The following CACNA2D1 variants were observed in gnomAD, a reference collection of about 807,000 sequenced individuals.
CACNA2D1 encodes calcium voltage-gated channel auxiliary subunit alpha2delta 1.
Under a neutral mutation model 171.5 loss-of-function variants are expected in CACNA2D1, and 53 were observed. The observed-to-expected ratio is 0.31, with a 90% CI of 0.25 to 0.39. The LOEUF (loss-of-function observed/expected upper bound fraction) is 0.39. Among genes scored for constraint, CACNA2D1 ranks in the 10% least tolerant of loss-of-function variants. CACNA2D1 has a pLI of 1.00. For synonymous variants in CACNA2D1, 442 were observed against 443.1 expected, an observed-to-expected ratio of 1.00 and a Z score of 0.03; for missense variants, 903 against 1,299.8, an observed-to-expected ratio of 0.69 and a Z score of 4.69.
At chr7:82,328,180 G>C (rs1414538978) in intron 3 of CACNA2D1, among the ~76,000 whole-genome samples, 1 of 152,168 alleles carries the variant, frequency 6.6e-6, no homozygotes, top group Non-Finnish European at 1.5e-5. Context: ...AAAACAATTA[G>C]TGGATTACCT....
intron 1 of CACNA2D1, among the ~76,000 whole-genome samples, chr7:82,378,938 CGTGTGTGT>C (rs533854397): frequency 0.12 from 16,283 of 138,980 alleles, 1,002 homozygotes; most frequent in Middle Eastern, 0.14. Context: ...GGGGTTGACT[CGTGTGTGT>C]GTGTGTGTGT....
At chr7:82,111,072 A>G (rs912546297) in intron 6 of CACNA2D1, among the ~76,000 whole-genome samples, 1 of 151,974 alleles carries the variant, frequency 6.6e-6, no homozygotes, top group Non-Finnish European at 1.5e-5. Flanking sequence ...AATGTGTTAA[A>G]GGCAAAATAA....
At chr7:82,325,065 A>G (rs987312689) in intron 3 of CACNA2D1, among the ~76,000 whole-genome samples, 1 of 152,192 alleles carries the variant, frequency 6.6e-6, no homozygotes, top group African/African-American at 2.4e-5. Context: ...TGGCACCTGC[A>G]CTACATTTCA....
intron 3 of CACNA2D1, among the ~76,000 whole-genome samples, chr7:82,248,822 A>G (rs987461405): frequency 1.3e-5 from 2 of 152,114 alleles, no homozygotes; most frequent in South Asian, 4.1e-4. Context: ...AAAAAAAAAA[A>G]AATGCCCTCT....
In CACNA2D1 at chr7:82,219,986, T is replaced by C. The variant is rs573139312; in HGVS notation, c.295-49377A>G. On this transcript the variant is annotated intron_variant, in intron 3 of 38. Coordinates refer to ENST00000356860, the MANE Select transcript of CACNA2D1 (RefSeq NM_000722.4). ...CCCTTTTGCATGATACAAAGATTAT[T>C]GTAGATTCACTGTTTTTTTCCATTA... Among the ~76,000 whole-genome samples, 176 of 152,302 alleles carry C rather than the reference T, an allele frequency of 1.2e-3. 1 individual carries two copies. Among genetic ancestry groups the C allele is most frequent in the Non-Finnish European group, 1.3e-3 (89 of 68,002 alleles).
chr7:82,430,554 T>A (rs1829592283), intron 1 of CACNA2D1, among the ~76,000 whole-genome samples: 1 of 152,260 alleles, frequency 6.6e-6, no homozygotes, highest in African/African-American at 2.4e-5. Context: ...ATAAATCAAC[T>A]CCAAATTTGC....
At chr7:82,029,309 T>C (rs1032682111) in intron 12 of CACNA2D1, 1 of 151,790 alleles carries the variant, frequency 6.6e-6, no homozygotes, top group Non-Finnish European at 1.5e-5. Flanking sequence ...CAAAGTGCTA[T>C]CACACAATTA....
intron 3 of CACNA2D1, among the ~76,000 whole-genome samples, chr7:82,306,046 C>T (rs1585418531): frequency 6.6e-6 from 1 of 152,132 alleles, no homozygotes; most frequent in African/African-American, 2.4e-5. Context: ...TTAGGTTCAG[C>T]GACTCTGGTA....
intron 5 of CACNA2D1, among the ~76,000 whole-genome samples, chr7:82,130,931 A>G (rs1047050017): frequency 2.9e-4 from 43 of 150,794 alleles, no homozygotes; most frequent in African/African-American, 1.0e-3. Flanking sequence ...CAAGTAGCTG[A>G]GACTACAGGC....
intron 1 of CACNA2D1, among the ~76,000 whole-genome samples, chr7:82,405,287 T>C (rs992971560): frequency 5.9e-5 from 9 of 152,186 alleles, no homozygotes; most frequent in Admixed American, 2.0e-4. Context: ...TTTAAATGTA[T>C]GTATCAAATC....
chr7:82,443,857 G>T, upstream of CACNA2D1: 1 of 442,632 alleles, frequency 2.3e-6, no homozygotes, highest in Non-Finnish European at 3.7e-6. Flanking sequence ...CGGAGGAGGG[G>T]TGACGGCGCT....
chr7:82,401,629 C>A (rs577565929), intron 1 of CACNA2D1, among the ~76,000 whole-genome samples: 78 of 151,340 alleles, frequency 5.2e-4, no homozygotes, highest in South Asian at 1.7e-3. Flanking sequence ...GTGGGTGCAG[C>A]GCACCAGCGT....
intron 3 of CACNA2D1, among the ~76,000 whole-genome samples, chr7:82,326,049 T>C (rs1220717028): frequency 4.6e-5 from 7 of 152,138 alleles, no homozygotes; most frequent in Admixed American, 3.3e-4. Flanking sequence ...TGATGTCCTG[T>C]CCAGGGTAGG....
At chr7:82,032,722 C>A in intron 12 of CACNA2D1, 75 bp downstream of exon 12, 1 of 773,538 alleles carries the variant, frequency 1.3e-6, no homozygotes, top group Admixed American at 2.2e-5. Flanking sequence ...TCTCCCCTCA[C>A]TACCACTACC....
rs1017581672 is a variant in CACNA2D1, at chr7:82,371,784, G to A, written c.96-22135C>T. Among the ~76,000 whole-genome samples the A allele has an allele frequency of 1.4e-4, 22 of 151,974 alleles. 1 individual carries two copies. Among genetic ancestry groups the A allele is most frequent in the Admixed American group, 1.4e-3 (22 of 15,242 alleles). ...GAGATGGGGGTTTCACCATGTTGAC[G>A]AGGTTGGTCTCGAACTCCTGACCTC... On this transcript the variant is annotated intron_variant, in intron 1 of 38. Coordinates refer to ENST00000356860, the MANE Select transcript of CACNA2D1 (RefSeq NM_000722.4).
In CACNA2D1 at chr7:82,122,729, A is replaced by G. The variant is rs77969945; in HGVS notation, c.397-5556T>C. Reference sequence around the variant, plus strand: ...AAAAGGCACTATGTGATTTTTACAGAGTCTGAAAGTTCAACATAGCACTCC... The same window carrying G: ...AAAAGGCACTATGTGATTTTTACAGGGTCTGAAAGTTCAACATAGCACTCC... On this transcript the variant is annotated intron_variant, in intron 5 of 38. Transcript: ENST00000356860. 7.9e-3 allele frequency among the ~76,000 whole-genome samples: 1,197 copies of G among 152,346 alleles called. 13 individuals are homozygous for G. Among genetic ancestry groups the G allele is most frequent in the African/African-American group, 0.027 (1,139 of 41,580 alleles).
At chr7:82,092,540 C>CTTTTTTTTT (rs71093360) in intron 6 of CACNA2D1, among the ~76,000 whole-genome samples, 312 of 102,652 alleles carry the variant, frequency 3.0e-3, no homozygotes, top group African/African-American at 7.6e-3. Context: ...GCCCAGCTAA[C>CTTTTTTTTT]TTTTTTTTTT....
chr7:82,251,226 A>G (rs1439141756), intron 3 of CACNA2D1, among the ~76,000 whole-genome samples: 2 of 152,170 alleles, frequency 1.3e-5, no homozygotes, highest in African/African-American at 4.8e-5. Flanking sequence ...CCACATTTTT[A>G]AAAAGCCTGT....
chr7:82,280,005 T>G (rs903233841), intron 3 of CACNA2D1, among the ~76,000 whole-genome samples: 1 of 152,166 alleles, frequency 6.6e-6, no homozygotes, highest in Non-Finnish European at 1.5e-5. Flanking sequence ...CTATGTCTTC[T>G]CTTTTAAGTG....
Sources: gnomAD v4.1 joint callset for allele counts (sites outside exome capture counted in the v4.1 genomes callset) on GRCh38, gnomAD v4.1.1 for gene constraint, MANE v1.5 for transcripts, NCBI Gene and HGNC (gene_info 2026-07-23, HGNC 2026-07-21) for gene names.